AIM2: variants seen among roughly 807,000 people sequenced by gnomAD.
The protein encoded by AIM2 is interferon-inducible protein AIM2.
In AIM2, 30 loss-of-function variants were observed where a neutral mutation model predicts 27.7. The ratio of observed to expected loss-of-function variants is 1.08; its 90% confidence interval spans 0.81 to 1.47. AIM2 has a LOEUF of 1.47. AIM2 is among the 40% of genes most tolerant of loss of function. AIM2 has a pLI of 0.00. For missense variants in AIM2, 358 were observed against 411.3 expected, an observed-to-expected ratio of 0.87 and a Z score of 1.12; for synonymous variants, 141 against 145.3, an observed-to-expected ratio of 0.97 and a Z score of 0.21.
In AIM2 at chr1:159,146,469, T is replaced by C. The variant is rs547735714; in HGVS notation, n.87+541A>G. 3.9e-5 allele frequency among the ~76,000 whole-genome samples: 6 copies of C among 152,248 alleles called. No homozygotes were observed. In the East Asian group the frequency reaches 1.2e-3, roughly 29 times the overall value. On this transcript the variant is annotated intron_variant and non_coding_transcript_variant, in intron 1 of 6. Transcript: ENST00000411768. ...ATGTCTCCTTCTTCCTTGGGGTATA[T>C]AACCCTTAGTCATTTCCTGCTTTAA...
intron 1 of AIM2, among the ~76,000 whole-genome samples, chr1:159,113,053 T>C: frequency 6.6e-6 from 1 of 151,986 alleles, no homozygotes; most frequent in East Asian, 1.9e-4. Flanking sequence ...CACGCCATTC[T>C]CCTGCCTCAG....
chr1:159,134,604 G>T (rs1356631263), intron 1 of AIM2, among the ~76,000 whole-genome samples: 3 of 152,202 alleles, frequency 2.0e-5, no homozygotes, highest in African/African-American at 7.2e-5. Context: ...GGCGGAGGCG[G>T]GTGGATTACC....
chr1:159,108,926 C>A (rs1657509750), intron 1 of AIM2, among the ~76,000 whole-genome samples: 1 of 152,186 alleles, frequency 6.6e-6, no homozygotes, highest in African/African-American at 2.4e-5. Context: ...ATCCCATGCT[C>A]AGGGATGGGT....
At chr1:159,127,448 C>A (rs186372297) in intron 1 of AIM2, among the ~76,000 whole-genome samples, 7 of 152,166 alleles carry the variant, frequency 4.6e-5, no homozygotes, top group Non-Finnish European at 7.4e-5. Flanking sequence ...ATGTTGAAAT[C>A]CCAATCCCAA....
downstream of AIM2, among the ~76,000 whole-genome samples, chr1:159,059,285 T>C (rs111503405): frequency 5.8e-3 from 889 of 152,036 alleles, 12 homozygotes; most frequent in African/African-American, 0.019. Context: ...CACACACACA[T>C]ATATATATCT....
At chr1:159,063,043 T>C (rs1570934498) in intron 5 of AIM2, among the ~76,000 whole-genome samples, 1 of 151,926 alleles carries the variant, frequency 6.6e-6, no homozygotes, top group African/African-American at 2.4e-5. Flanking sequence ...TAGGAGGGTG[T>C]GGTGGAAGGT....
At chr1:159,068,533 CA>C in intron 3 of AIM2, 34 bp downstream of exon 3, 8 of 1,562,210 alleles carry the variant, frequency 5.1e-6, no homozygotes, top group Non-Finnish European at 6.9e-6. Flanking sequence ...GATGCTCTTA[CA>C]AGGACAAAGA....
chr1:159,056,278 C>T, the AIM2 span, among the ~76,000 whole-genome samples: 1 of 152,122 alleles, frequency 6.6e-6, no homozygotes, highest in African/African-American at 2.4e-5. Context: ...GGCTCTTCCC[C>T]ACTGGAAATG....
rs530708831 is a variant in AIM2 at position 159,105,882 on chromosome 1, C to A, written c.-16+34549G>T. On this transcript the variant is annotated intron_variant, in intron 1 of 2. Coordinates refer to the AIM2 transcript ENST00000368129. ...TCCAGGCTGCAGACTCCACCCAACA[C>A]TGACAGCCTGGCCCCCATGCTTCGG... 2.0e-5 allele frequency among the ~76,000 whole-genome samples: 3 copies of A among 152,290 alleles called. No individual in the cohort carries two copies. In the South Asian group the frequency reaches 6.2e-4, roughly 32 times the overall value.
the AIM2 span, among the ~76,000 whole-genome samples, chr1:159,057,281 C>CA: frequency 0.33 from 50,931 of 152,088 alleles, 10,709 homozygotes; most frequent in Admixed American, 0.55. Context: ...GAGTTTGGGA[C>CA]AAAATGTGTC....
chr1:159,103,772 T>C (rs1282823819), intron 1 of AIM2, among the ~76,000 whole-genome samples: 1 of 152,186 alleles, frequency 6.6e-6, no homozygotes, highest in African/African-American at 2.4e-5. Context: ...CCTTCCCGAA[T>C]AACAAATCTG....
At chr1:159,080,768 T>G (rs1656758225), upstream of AIM2, among the ~76,000 whole-genome samples, 1 of 152,198 alleles carries the variant, frequency 6.6e-6, no homozygotes, top group South Asian at 2.1e-4. Flanking sequence ...CTTTGCATTT[T>G]CTAATAGTAA....
At chr1:159,094,085 G>T (rs1657115434) in intron 1 of AIM2, among the ~76,000 whole-genome samples, 2 of 152,078 alleles carry the variant, frequency 1.3e-5, no homozygotes, top group Non-Finnish European at 2.9e-5. Context: ...ATTGTTCATT[G>T]TTATAAAACT....
chr1:159,106,984 C>T (rs544581753), intron 1 of AIM2, among the ~76,000 whole-genome samples: 2 of 152,176 alleles, frequency 1.3e-5, no homozygotes. Context: ...ACTAGCTTTC[C>T]TCCTGGACAA....
chr1:159,066,679 T>A (rs192112101), intron 3 of AIM2, among the ~76,000 whole-genome samples: 15 of 152,350 alleles, frequency 9.8e-5, no homozygotes, highest in Admixed American at 6.5e-4. Context: ...TCTGATTCCA[T>A]CTTCTATCAA....
chr1:159,112,648 G>C (rs1657601312), intron 1 of AIM2, among the ~76,000 whole-genome samples: 1 of 152,096 alleles, frequency 6.6e-6, no homozygotes, highest in African/African-American at 2.4e-5. Flanking sequence ...AATTTCAAAA[G>C]AATAGTTTTA....
chr1:159,122,571 A>G (rs12060241), intron 1 of AIM2, among the ~76,000 whole-genome samples: 8,912 of 152,034 alleles, frequency 0.059, 850 homozygotes, highest in African/African-American at 0.2. Context: ...TTGCTCTAGG[A>G]GGATTACTTG....
intron 1 of AIM2, among the ~76,000 whole-genome samples, chr1:159,108,175 T>C (rs956202207): frequency 6.6e-6 from 1 of 151,986 alleles, no homozygotes; most frequent in Non-Finnish European, 1.5e-5. Context: ...GCTAACCAAA[T>C]CCATTAACAT....
intron 1 of AIM2, among the ~76,000 whole-genome samples, chr1:159,121,058 T>C (rs1401463388): frequency 5.9e-5 from 9 of 152,154 alleles, no homozygotes; most frequent in Admixed American, 5.9e-4. Flanking sequence ...TCCTAAAGAC[T>C]GTAAGTGGCA....
Sources: gnomAD v4.1 joint callset for allele counts (sites outside exome capture counted in the v4.1 genomes callset) on GRCh38, gnomAD v4.1.1 for gene constraint, MANE v1.5 for transcripts, NCBI Gene and HGNC (gene_info 2026-07-23, HGNC 2026-07-21) for gene names.